The following SLC24A3 variants were observed in gnomAD, a reference collection of about 807,000 sequenced individuals.
SLC24A3 encodes sodium/potassium/calcium exchanger 3.
A neutral mutation model predicts 75.8 loss-of-function variants in SLC24A3; 28 were observed. The observed-to-expected ratio is 0.37, with a 90% CI of 0.27 to 0.51. The LOEUF (loss-of-function observed/expected upper bound fraction) is 0.51. Ranked by LOEUF, SLC24A3 falls within the 20% of genes least tolerant of loss-of-function variation. The pLI, the probability that SLC24A3 is intolerant of heterozygous loss-of-function variation, is 0.94. For missense variants in SLC24A3, 663 were observed against 847.8 expected, an observed-to-expected ratio of 0.78 and a Z score of 2.71; for synonymous variants, 372 against 334.1, an observed-to-expected ratio of 1.11 and a Z score of -1.24.
chr20:19,404,175 A>T (rs1425421538), intron 2 of SLC24A3, among the ~76,000 whole-genome samples: 5 of 152,094 alleles, frequency 3.3e-5, no homozygotes, highest in African/African-American at 9.7e-5. Flanking sequence ...TACTCAGCAA[A>T]TATTTTTGAG....
intron 9 of SLC24A3, among the ~76,000 whole-genome samples, chr20:19,675,764 C>T (rs935639613): frequency 6.6e-6 from 1 of 152,170 alleles, no homozygotes; most frequent in African/African-American, 2.4e-5. Context: ...TGATCCAAAG[C>T]CTTTCCAAAC....
At chr20:19,328,354 A>G (rs942090540) in intron 2 of SLC24A3, among the ~76,000 whole-genome samples, 1 of 152,104 alleles carries the variant, frequency 6.6e-6, no homozygotes, top group Non-Finnish European at 1.5e-5. Context: ...CCAGGCATAC[A>G]TTGTTAAAGG....
intron 3 of SLC24A3, among the ~76,000 whole-genome samples, chr20:19,568,639 A>C (rs1442469877): frequency 6.6e-6 from 1 of 152,192 alleles, no homozygotes; most frequent in African/African-American, 2.4e-5. Flanking sequence ...ATAAGGACAG[A>C]GTTTCAATCT....
At chr20:19,674,879 C>G (rs564419682) in intron 9 of SLC24A3, among the ~76,000 whole-genome samples, 66 of 152,084 alleles carry the variant, frequency 4.3e-4, no homozygotes, top group African/African-American at 1.6e-3. Flanking sequence ...ATGGTGAAAC[C>G]CCATCTCTAC....
At chr20:19,300,299 C>G (rs1210019845) in intron 2 of SLC24A3, among the ~76,000 whole-genome samples, 4 of 152,170 alleles carry the variant, frequency 2.6e-5, no homozygotes, top group African/African-American at 9.7e-5. Context: ...CCAGCTCTCT[C>G]CCTTTGAACC....
chr20:19,480,988 T>A (rs532310664), intron 2 of SLC24A3, among the ~76,000 whole-genome samples: 1 of 152,358 alleles, frequency 6.6e-6, no homozygotes, highest in East Asian at 1.9e-4. Flanking sequence ...ACATTATTAA[T>A]GCTCATTTCT....
At chr20:19,310,137 A>G (rs1284399627) in intron 2 of SLC24A3, among the ~76,000 whole-genome samples, 1 of 152,156 alleles carries the variant, frequency 6.6e-6, no homozygotes, top group Non-Finnish European at 1.5e-5. Flanking sequence ...CATGACATCT[A>G]ATAACTGATT....
chr20:19,424,676 C>T (rs1372394572), intron 2 of SLC24A3, among the ~76,000 whole-genome samples: 1 of 141,702 alleles, frequency 7.1e-6, no homozygotes, highest in Non-Finnish European at 1.5e-5. Context: ...AGCCTGGGAG[C>T]CAAGATTGTG....
intron 3 of SLC24A3, among the ~76,000 whole-genome samples, chr20:19,535,070 A>T (rs1424968507): frequency 6.6e-6 from 1 of 152,200 alleles, no homozygotes; most frequent in Non-Finnish European, 1.5e-5. Flanking sequence ...TTTTTAACAG[A>T]GTATTTTACA....
At chr20:19,603,204 G>T (rs2031551046) in intron 6 of SLC24A3, among the ~76,000 whole-genome samples, 1 of 152,152 alleles carries the variant, frequency 6.6e-6, no homozygotes, top group Admixed American at 6.5e-5. Context: ...CCTGACTCAG[G>T]AATTCCCTGG....
At chr20:19,510,447 A>G (rs1018461425) in intron 2 of SLC24A3, among the ~76,000 whole-genome samples, 7 of 152,196 alleles carry the variant, frequency 4.6e-5, no homozygotes, top group African/African-American at 1.4e-4. Context: ...TCCTGCAATA[A>G]GATACCTTGC....
intron 1 of SLC24A3, among the ~76,000 whole-genome samples, chr20:19,228,362 G>A (rs1181460319): frequency 6.6e-6 from 1 of 152,098 alleles, no homozygotes; most frequent in East Asian, 1.9e-4. Flanking sequence ...AATCAGGGCC[G>A]GGCGCGGTGG....
intron 2 of SLC24A3, among the ~76,000 whole-genome samples, chr20:19,450,771 G>T (rs1221785316): frequency 6.6e-6 from 1 of 152,140 alleles, no homozygotes; most frequent in Non-Finnish European, 1.5e-5. Flanking sequence ...GGTCGAGATG[G>T]GTGGATCACT....
At chr20:19,547,235 C>A (rs2030615661) in intron 3 of SLC24A3, among the ~76,000 whole-genome samples, 1 of 152,154 alleles carries the variant, frequency 6.6e-6, no homozygotes, top group African/African-American at 2.4e-5. Flanking sequence ...GTGTAACACA[C>A]CATGAATGTC....
intron 2 of SLC24A3, among the ~76,000 whole-genome samples, chr20:19,419,046 A>G (rs985208640): frequency 2.0e-5 from 3 of 152,264 alleles, no homozygotes; most frequent in African/African-American, 7.2e-5. Context: ...ATAAATAACA[A>G]GAAAGAATCA....
rs201630237 is a variant in SLC24A3, at chr20:19,406,205, T to C, written c.272-109283T>C. 3.0e-3 allele frequency among the ~76,000 whole-genome samples: 445 copies of C among 148,346 alleles called. 3 individuals carry two copies. In the East Asian group the frequency reaches 0.045, roughly 15 times the overall value. On this transcript the variant is annotated intron_variant, in intron 2 of 16. Coordinates refer to ENST00000328041, the MANE Select transcript of SLC24A3 (RefSeq NM_020689.4). ...TGGTGTGTGTGTGTGTGTGTGTGTG[T>C]GTGCGTGCGTGTGTGTGTGTGTGAG... is the stretch of plus-strand genomic sequence containing the variant.
At chr20:19,394,421 A>C (rs906810719) in intron 2 of SLC24A3, among the ~76,000 whole-genome samples, 8 of 152,170 alleles carry the variant, frequency 5.3e-5, no homozygotes, top group Admixed American at 1.3e-4. Context: ...TGAAAAGGCA[A>C]CCTACAGAGT....
intron 3 of SLC24A3, among the ~76,000 whole-genome samples, chr20:19,520,784 T>G (rs2030085111): frequency 6.6e-6 from 1 of 152,184 alleles, no homozygotes; most frequent in Non-Finnish European, 1.5e-5. Context: ...CCAGGGAATT[T>G]TATCTGGTCT....
intron 2 of SLC24A3, among the ~76,000 whole-genome samples, chr20:19,514,674 G>T (rs897040873): frequency 1.3e-5 from 2 of 152,182 alleles, no homozygotes; most frequent in African/African-American, 4.8e-5. Flanking sequence ...AGGTTGATTG[G>T]ATTTTATGAG....
Sources: allele counts gnomAD v4.1 joint callset (sites outside exome capture counted in the v4.1 genomes callset), GRCh38; gene constraint gnomAD v4.1.1; transcripts MANE v1.5; gene names NCBI Gene and HGNC (gene_info 2026-07-23, HGNC 2026-07-21).